GRIK1: variants seen among roughly 807,000 people sequenced by gnomAD.
GRIK1 encodes the protein glutamate ionotropic receptor kainate type subunit 1, also known as glutamate receptor ionotropic, kainate 1.
Under a neutral mutation model 105.7 loss-of-function variants are expected in GRIK1, and 69 were observed. The observed-to-expected ratio is 0.65, with a 90% CI of 0.54 to 0.80. The LOEUF (loss-of-function observed/expected upper bound fraction) is 0.80, where lower values mean the gene tolerates loss of function less well. Ranked by LOEUF, GRIK1 falls within the 30% of genes least tolerant of loss-of-function variation. The probability of loss-of-function intolerance (pLI) is 0.00; values close to 1 mark genes in which losing one functional copy is unlikely to be tolerated. For synonymous variants in GRIK1, 438 were observed against 431.3 expected (o/e 1.02, Z -0.19); for missense variants, 1,109 against 1,167.3 (o/e 0.95, Z 0.73).
intron 1 of GRIK1, among the ~76,000 whole-genome samples, chr21:29,912,974 A>G (rs2070870494): frequency 6.6e-6 from 1 of 152,152 alleles, no homozygotes; most frequent in Non-Finnish European, 1.5e-5. Context: ...TCATTACAAG[A>G]CATACTTAAT....
At chr21:29,735,438 T>A (rs972357823) in intron 1 of GRIK1, among the ~76,000 whole-genome samples, 1 of 152,232 alleles carries the variant, frequency 6.6e-6, no homozygotes, top group South Asian at 2.1e-4. Context: ...TTCATCCTAT[T>A]GACAGATATA....
chr21:29,772,031 T>A (rs1446096844), intron 1 of GRIK1, among the ~76,000 whole-genome samples: 2 of 152,236 alleles, frequency 1.3e-5, no homozygotes, highest in Non-Finnish European at 2.9e-5. Flanking sequence ...GATACCAATC[T>A]CATAGTTTAT....
At chr21:29,875,474 T>C (rs1433397858) in intron 1 of GRIK1, among the ~76,000 whole-genome samples, 1 of 152,134 alleles carries the variant, frequency 6.6e-6, no homozygotes, top group African/African-American at 2.4e-5. Context: ...GCCCAATACC[T>C]TTGCACTCAG....
chr21:29,765,745 T>C (rs2065646575), intron 1 of GRIK1, among the ~76,000 whole-genome samples: 3 of 152,148 alleles, frequency 2.0e-5, no homozygotes. Flanking sequence ...GGTTATATTG[T>C]CCACCTGCAT....
chr21:29,938,447 C>T (rs553864313), intron 1 of GRIK1, among the ~76,000 whole-genome samples: 10 of 152,292 alleles, frequency 6.6e-5, no homozygotes, highest in South Asian at 6.2e-4. Context: ...GTTTAAAAGG[C>T]GAAGAGCTGT....
chr21:29,538,577 A>G (rs1222743676), intron 16 of GRIK1, among the ~76,000 whole-genome samples: 1 of 143,294 alleles, frequency 7.0e-6, no homozygotes, highest in Admixed American at 6.8e-5. Flanking sequence ...TTTTTATCAC[A>G]ATAAAAAAAA....
Position 29,544,321 on chromosome 21 carries a change from AT to A in GRIK1, c.2608-6438del, listed in dbSNP as rs199822254. On this transcript the variant is annotated intron_variant, in intron 16 of 17. Coordinates refer to ENST00000327783, the MANE Select transcript of GRIK1 (RefSeq NM_001330994.2). ...AATTTTAAAAAATGATCCTTAAAAA[AT>A]TTTGCACATGGGGTGGCCACGCAGG... Among the ~76,000 whole-genome samples the A allele has an allele frequency of 4.3e-3, 653 of 152,318 alleles. 2 individuals are homozygous for A. Among genetic ancestry groups the A allele is most frequent in the African/African-American group, 0.015 (607 of 41,566 alleles).
At chr21:29,905,830 G>A (rs565946208) in intron 1 of GRIK1, among the ~76,000 whole-genome samples, 2 of 152,064 alleles carry the variant, frequency 1.3e-5, no homozygotes, top group Non-Finnish European at 2.9e-5. Context: ...ATTTTGCCAT[G>A]TTGGCCAGGC....
intron 11 of GRIK1, among the ~76,000 whole-genome samples, chr21:29,588,082 C>T (rs1426624179): frequency 7.0e-6 from 1 of 142,714 alleles, no homozygotes; most frequent in East Asian, 2.2e-4. Flanking sequence ...TCATGCCATT[C>T]TCCTGCCTCA....
At chr21:29,887,490 G>A (rs2069675352) in intron 1 of GRIK1, among the ~76,000 whole-genome samples, 2 of 152,262 alleles carry the variant, frequency 1.3e-5, no homozygotes, top group South Asian at 4.1e-4. Flanking sequence ...AAGATATTGA[G>A]CAATCATGTT....
chr21:29,789,448 T>C (rs2066351283), intron 1 of GRIK1, among the ~76,000 whole-genome samples: 1 of 152,302 alleles, frequency 6.6e-6, no homozygotes, highest in East Asian at 1.9e-4. Context: ...CTGAAAATCA[T>C]CTACAAAGAA....
chr21:29,842,700 G>A (rs576570252), intron 1 of GRIK1, among the ~76,000 whole-genome samples: 1 of 152,214 alleles, frequency 6.6e-6, no homozygotes, highest in South Asian at 2.1e-4. Flanking sequence ...AAACTATCTG[G>A]CAGACAAGTC....
intron 1 of GRIK1, among the ~76,000 whole-genome samples, chr21:29,724,343 T>C (rs1460104215): frequency 1.4e-5 from 1 of 71,928 alleles, no homozygotes; most frequent in African/African-American, 3.2e-5. Flanking sequence ...AGGTCAGGTG[T>C]CTGAGATACG....
chr21:29,706,441 G>T (rs557606988), intron 1 of GRIK1, among the ~76,000 whole-genome samples: 2 of 152,218 alleles, frequency 1.3e-5, no homozygotes, highest in African/African-American at 4.8e-5. Context: ...ATTTACTATT[G>T]TTCATAAGTT....
At chr21:29,935,424 T>C (rs904912667) in intron 1 of GRIK1, among the ~76,000 whole-genome samples, 3 of 152,142 alleles carry the variant, frequency 2.0e-5, no homozygotes, top group African/African-American at 7.2e-5. Flanking sequence ...AAATAATATT[T>C]GTTGAATGAA....
Position 29,721,830 on chromosome 21 carries a change from A to G in GRIK1, c.119-27767T>C, listed in dbSNP as rs911759521. Among the ~76,000 whole-genome samples the G allele has an allele frequency of 4.6e-5, 7 of 152,094 alleles. No individual in the cohort carries two copies. In the East Asian group the frequency reaches 7.7e-4, roughly 17 times the overall value. ...TGGTGCCCCTTCCATCTACCCTTCA[A>G]TAGCCTCTCCTGCATCTCGTTACCT... On this transcript the variant is annotated intron_variant, in intron 1 of 17. Coordinates refer to ENST00000327783, the MANE Select transcript of GRIK1 (RefSeq NM_001330994.2).
At chr21:29,694,623 T>C (rs1267269326) in intron 1 of GRIK1, among the ~76,000 whole-genome samples, 2 of 152,206 alleles carry the variant, frequency 1.3e-5, no homozygotes, top group Non-Finnish European at 2.9e-5. Context: ...GGCAAATGTG[T>C]TCCAAACATT....
intron 1 of GRIK1, among the ~76,000 whole-genome samples, chr21:29,875,961 A>G (rs1389787385): frequency 1.3e-5 from 2 of 152,194 alleles, no homozygotes; most frequent in East Asian, 1.9e-4. Context: ...GTTGTCCTGA[A>G]CACTCTACTT....
intron 16 of GRIK1, among the ~76,000 whole-genome samples, chr21:29,543,553 A>T (rs1232872718): frequency 2.0e-5 from 3 of 152,154 alleles, no homozygotes; most frequent in Non-Finnish European, 4.4e-5. Context: ...CCATTTTCTG[A>T]GCGCATTCAC....
Sources: gnomAD v4.1 joint callset for allele counts (sites outside exome capture counted in the v4.1 genomes callset) on GRCh38, gnomAD v4.1.1 for gene constraint, MANE v1.5 for transcripts, NCBI Gene and HGNC (gene_info 2026-07-23, HGNC 2026-07-21) for gene names.